USP26: variants seen among roughly 807,000 people sequenced by gnomAD.
USP26 encodes the protein ubiquitin specific peptidase 26.
For missense variants in USP26, 649 were observed against 642.3 expected (o/e 1.01, Z -0.11); for synonymous variants, 236 against 240.6 (o/e 0.98, Z 0.18).
At chrX:133,036,561 CTTTA>C (rs1246195163) in intron 5 of USP26, among the ~76,000 whole-genome samples, 2 of 111,863 alleles carry the variant, frequency 1.8e-5, no homozygotes, top group African/African-American at 3.3e-5. Flanking sequence ...GCCACATTTT[CTTTA>C]TTCATTCAGT....
chrX:133,059,679 C>G (rs2067488484), intron 5 of USP26, among the ~76,000 whole-genome samples: 2 of 110,100 alleles, frequency 1.8e-5, no homozygotes, highest in South Asian at 8.0e-4. Context: ...CTTCTCTCCC[C>G]CTAAAGTTCT....
intron 5 of USP26, among the ~76,000 whole-genome samples, chrX:133,041,077 G>A (rs2067417410): frequency 9.1e-6 from 1 of 110,479 alleles, no homozygotes; most frequent in Non-Finnish European, 1.9e-5. Flanking sequence ...AGTTATTCTA[G>A]TTAGCAGTTC....
intron 5 of USP26, among the ~76,000 whole-genome samples, chrX:133,054,973 T>C (rs1402100298): frequency 8.9e-6 from 1 of 112,307 alleles, no homozygotes; most frequent in East Asian, 2.8e-4. Context: ...TAAATGCAGA[T>C]GGCTGGAACT....
At chrX:133,035,070 A>G (rs2067391502) in intron 5 of USP26, among the ~76,000 whole-genome samples, 2 of 111,558 alleles carry the variant, frequency 1.8e-5, no homozygotes, top group Middle Eastern at 4.6e-3. Context: ...TATGAGAGTC[A>G]TGGGAAAATC....
At chrX:133,083,825 T>C (rs1311223190) in intron 4 of USP26, 54 bp from the exon 5 acceptor site, 1 of 111,313 alleles carries the variant, frequency 9.0e-6, no homozygotes, top group Non-Finnish European at 1.9e-5. Context: ...TAAGCAGCAG[T>C]TTATACATAC....
intron 5 of USP26, among the ~76,000 whole-genome samples, chrX:133,038,376 G>C (rs1190061062): frequency 1.8e-5 from 2 of 111,779 alleles, no homozygotes; most frequent in Non-Finnish European, 3.8e-5. Flanking sequence ...TAGCATGAAG[G>C]GGTGTTGAAT....
intron 5 of USP26, among the ~76,000 whole-genome samples, chrX:133,079,868 G>A (rs1602988652): frequency 9.0e-6 from 1 of 111,640 alleles, no homozygotes; most frequent in Non-Finnish European, 1.9e-5. Flanking sequence ...ATAGATGAAT[G>A]AGAAGGAAAG....
At chrX:133,078,154 C>G (rs758208519) in intron 5 of USP26, among the ~76,000 whole-genome samples, 1 of 110,863 alleles carries the variant, frequency 9.0e-6, no homozygotes, top group African/African-American at 3.3e-5. Context: ...CCATGTGACA[C>G]GCCTGCTCCC....
intron 5 of USP26, among the ~76,000 whole-genome samples, chrX:133,065,174 C>A (rs779461326): frequency 4.5e-5 from 5 of 111,473 alleles, no homozygotes; most frequent in African/African-American, 1.6e-4. Flanking sequence ...CAAGACTAAA[C>A]CAGGAAGAAG....
chrX:133,077,759 AC>A (rs1478351260), intron 5 of USP26, among the ~76,000 whole-genome samples: 1 of 111,073 alleles, frequency 9.0e-6, no homozygotes, highest in African/African-American at 3.3e-5. Context: ...ATGAGTTCTC[AC>A]TCTGAGTTCA....
At chrX:133,087,597 C>A (rs1386222294) in intron 4 of USP26, among the ~76,000 whole-genome samples, 3 of 112,066 alleles carry the variant, frequency 2.7e-5, no homozygotes, top group Non-Finnish European at 3.8e-5. Flanking sequence ...AAAAGCATAC[C>A]ACTTTTTGTA....
chrX:133,025,974 T>C lies in USP26; in HGVS notation c.2247A>G (p.Glu749=), dbSNP rs775758159. 8.3e-7 allele frequency: 1 copy of C among 1,209,384 alleles called. No individual in the cohort carries two copies. The highest frequency in any genetic ancestry group is 3.0e-5 in the East Asian group (1 of 33,724). The part of the protein sequence containing the change: ...TQQCDGMRIC[E]QAPQQALPQS... ...GAGGCAGTGCCTGCTGAGGGGCTTG[T>C]TCACAGATTCTCATACCGTCACACT... The change falls in exon 6 of 6, where the codon GAA becomes GAG. Residue 749 remains glutamate (E), a synonymous_variant. Coordinates refer to ENST00000511190, the MANE Select transcript of USP26 (RefSeq NM_031907.3).
chrX:133,057,601 A>G (rs2067479607), intron 5 of USP26, among the ~76,000 whole-genome samples: 1 of 108,705 alleles, frequency 9.2e-6, no homozygotes, highest in Admixed American at 1.0e-4. Context: ...CTTTTCTAGT[A>G]TACGTATTTA....
intron 5 of USP26, among the ~76,000 whole-genome samples, chrX:133,069,950 C>T (rs890618339): frequency 1.8e-5 from 2 of 111,333 alleles, no homozygotes; most frequent in Non-Finnish European, 3.8e-5. Context: ...GGAGTCTTGA[C>T]CCAAGAAGAG....
chrX:133,050,738 G>C (rs1445678499), intron 5 of USP26, among the ~76,000 whole-genome samples: 1 of 111,494 alleles, frequency 9.0e-6, no homozygotes, highest in Non-Finnish European at 1.9e-5. Flanking sequence ...AGCAAGCTCT[G>C]AGAACTGTAA....
intron 5 of USP26, among the ~76,000 whole-genome samples, chrX:133,060,130 T>G (rs933094793): frequency 1.8e-5 from 2 of 111,887 alleles, no homozygotes; most frequent in South Asian, 3.7e-4. Context: ...ATTTAGTGTA[T>G]GAGAATAGTT....
chrX:133,093,153 G>A (rs941743097), intron 1 of USP26, among the ~76,000 whole-genome samples: 1 of 110,496 alleles, frequency 9.1e-6, no homozygotes, highest in Non-Finnish European at 1.9e-5. Flanking sequence ...GCATTGCGGT[G>A]TGCACATCCC....
rs541691231 is a variant in USP26 at position 133,094,360 on chromosome X, C to A, written c.-393+2670G>T. On this transcript the variant is annotated intron_variant, in intron 1 of 5. Transcript: ENST00000511190. ...AGAAGGATCTACTTCCATTTTCTCT[C>A]CTAACCTGGCCCTAGACAACTTCTG... Among the ~76,000 whole-genome samples, 9 of 110,778 alleles carry A rather than the reference C, an allele frequency of 8.1e-5. No homozygotes were observed. In the South Asian group the frequency reaches 3.1e-3, roughly 39 times the overall value.
At chrX:133,042,602 G>A (rs1189575747) in intron 5 of USP26, among the ~76,000 whole-genome samples, 1 of 111,751 alleles carries the variant, frequency 8.9e-6, no homozygotes, top group Non-Finnish European at 1.9e-5. Flanking sequence ...TTCTGCATTG[G>A]TCTCGCTGGG....
Sources: allele counts gnomAD v4.1 joint callset (sites outside exome capture counted in the v4.1 genomes callset), GRCh38; gene constraint gnomAD v4.1.1; transcripts MANE v1.5; gene names NCBI Gene and HGNC (gene_info 2026-07-23, HGNC 2026-07-21).